The following SDHAF3 variants were observed in gnomAD, a reference collection of about 807,000 sequenced individuals.
SDHAF3 encodes succinate dehydrogenase complex assembly factor 3.
In SDHAF3, 18 loss-of-function variants were observed where a neutral mutation model predicts 11.5. That is an observed-to-expected ratio of 1.56 (90% confidence interval 1.08 to 2.32). The LOEUF (loss-of-function observed/expected upper bound fraction) is 2.32, where lower values mean the gene tolerates loss of function less well. Ranked by LOEUF, SDHAF3 falls within the 30% of genes most tolerant of loss-of-function variation. SDHAF3 has a pLI of 0.00. For missense variants in SDHAF3, 200 were observed against 154.4 expected (o/e 1.30, Z -1.57); for synonymous variants, 72 against 59.3 (o/e 1.21, Z -0.99).
intron 1 of SDHAF3, among the ~76,000 whole-genome samples, chr7:97,178,972 C>T (rs1419286254): frequency 6.6e-6 from 1 of 152,010 alleles, no homozygotes; most frequent in Non-Finnish European, 1.5e-5. Context: ...GATTTTAGCT[C>T]TTATATTTAG....
intron 1 of SDHAF3, among the ~76,000 whole-genome samples, chr7:97,164,674 C>T (rs535636266): frequency 5.9e-5 from 9 of 152,040 alleles, no homozygotes; most frequent in Non-Finnish European, 1.0e-4. Flanking sequence ...CGTGCCTTTC[C>T]GGTTCATAGT....
intron 1 of SDHAF3, among the ~76,000 whole-genome samples, chr7:97,165,127 A>T (rs191140152): frequency 6.6e-6 from 1 of 152,202 alleles, no homozygotes; most frequent in Non-Finnish European, 1.5e-5. Context: ...TACTAAAAAA[A>T]TACAAAAAAA....
intron 1 of SDHAF3, among the ~76,000 whole-genome samples, chr7:97,164,814 GATAGACTAACATA>G (rs1452911502): frequency 1.3e-5 from 2 of 152,138 alleles, no homozygotes; most frequent in Non-Finnish European, 2.9e-5. Context: ...ATGGAGGGAT[GATAGACTAACATA>G]ATTTCCATAA....
At chr7:97,148,755 T>A (rs1789173029) in intron 1 of SDHAF3, among the ~76,000 whole-genome samples, 1 of 152,196 alleles carries the variant, frequency 6.6e-6, no homozygotes. Context: ...GTGCGTAAGA[T>A]AACCTAGAAT....
chr7:97,135,631 T>G (rs1350703188), intron 1 of SDHAF3: 3 of 119,432 alleles, frequency 2.5e-5, no homozygotes, highest in African/African-American at 6.8e-5. Flanking sequence ...GAGATGTATG[T>G]GCGTGCGTGT....
Position 97,118,475 on chromosome 7 carries a change from A to T in SDHAF3, c.174+578A>T, listed in dbSNP as rs576311652. Among the ~76,000 whole-genome samples the T allele has an allele frequency of 2.8e-4, 43 of 152,260 alleles. 1 individual carries two copies. Among genetic ancestry groups the T allele is most frequent in the African/African-American group, 9.1e-4 (38 of 41,538 alleles). ...GCGAAAGTTGTTTCCTCCGGTCTCA[A>T]GTCATTGTTACTTCGCCCTGCACCA... On this transcript the variant is annotated intron_variant, in intron 1 of 1. Transcript: ENST00000432641.
intron 1 of SDHAF3, among the ~76,000 whole-genome samples, chr7:97,157,261 CT>C (rs995353195): frequency 6.6e-6 from 1 of 152,108 alleles, no homozygotes; most frequent in African/African-American, 2.4e-5. Flanking sequence ...ATTCTCTAGA[CT>C]TTTTCAAGTT....
intron 1 of SDHAF3, among the ~76,000 whole-genome samples, chr7:97,157,016 C>T (rs1199984067): frequency 6.6e-6 from 1 of 152,048 alleles, no homozygotes; most frequent in Non-Finnish European, 1.5e-5. Context: ...CATGTATTCT[C>T]ATTGTTCACC....
intron 1 of SDHAF3, among the ~76,000 whole-genome samples, chr7:97,134,681 A>G (rs989302730): frequency 6.6e-6 from 1 of 152,212 alleles, no homozygotes; most frequent in Non-Finnish European, 1.5e-5. Context: ...TCCTGACCTC[A>G]GATGACCCGT....
intron 1 of SDHAF3, chr7:97,136,372 A>G (rs1791770098): frequency 3.3e-6 from 2 of 601,544 alleles, no homozygotes; most frequent in Admixed American, 2.4e-5. Context: ...GCATAAATCA[A>G]ATTTGTTTTA....
At chr7:97,124,980 AT>A (rs1177768823) in intron 1 of SDHAF3, among the ~76,000 whole-genome samples, 3 of 151,900 alleles carry the variant, frequency 2.0e-5, no homozygotes, top group African/African-American at 7.3e-5. Flanking sequence ...AATACGTTTT[AT>A]TTTTTTCTCT....
intron 1 of SDHAF3, among the ~76,000 whole-genome samples, chr7:97,125,662 T>G (rs1335052795): frequency 6.6e-6 from 1 of 152,228 alleles, no homozygotes; most frequent in Non-Finnish European, 1.5e-5. Flanking sequence ...GAAGTTTTCA[T>G]GCTGTGTTTT....
intron 1 of SDHAF3, among the ~76,000 whole-genome samples, chr7:97,121,841 GTTTTTTTTTTTTGT>G (rs1791501927): frequency 2.2e-5 from 3 of 135,798 alleles, no homozygotes; most frequent in East Asian, 4.4e-4. Flanking sequence ...AGGTTTTTTG[GTTTTTTTTTTTTGT>G]TTTTTTTTTT....
At chr7:97,175,772 A>C (rs1258740079) in intron 1 of SDHAF3, among the ~76,000 whole-genome samples, 3 of 152,202 alleles carry the variant, frequency 2.0e-5, no homozygotes, top group Admixed American at 6.5e-5. Context: ...ACAGTATAGC[A>C]TGAACGTTAG....
At chr7:97,118,349 C>G (rs904255643) in intron 1 of SDHAF3, among the ~76,000 whole-genome samples, 5 of 152,126 alleles carry the variant, frequency 3.3e-5, no homozygotes, top group Non-Finnish European at 5.9e-5. Context: ...AAATAATTTT[C>G]TCACTTGGCT....
intron 1 of SDHAF3, among the ~76,000 whole-genome samples, chr7:97,132,386 T>C (rs1038554284): frequency 1.3e-5 from 2 of 151,958 alleles, no homozygotes; most frequent in African/African-American, 2.4e-5. Flanking sequence ...TATTTCTTTT[T>C]TACGTAACCG....
At chr7:97,126,150 C>T (rs1446588911) in intron 1 of SDHAF3, among the ~76,000 whole-genome samples, 1 of 152,226 alleles carries the variant, frequency 6.6e-6, no homozygotes, top group Non-Finnish European at 1.5e-5. Flanking sequence ...GCAAAGATTG[C>T]TGCCTGCTCT....
At position 97,117,764 on chromosome 7, in the gene SDHAF3, A is replaced by G. The variant is rs754390024; in HGVS notation, c.41A>G (p.Lys14Arg). The G allele has an allele frequency of 1.9e-6, 3 of 1,614,152 alleles. No homozygotes were observed. In the South Asian group the frequency reaches 3.3e-5, roughly 18 times the overall value. Reference protein sequence around the residue: ...RHVSRVRALYKRVLQLHRVLP... With the variant: ...RHVSRVRALYRRVLQLHRVLP... The stretch of plus-strand genomic sequence containing the variant: ...GTTTCTCGAGTCCGGGCATTGTACA[A>G]GCGCGTCTTGCAGCTGCACCGTGTT... Residue 14 changes from lysine (K) to arginine (R), a missense_variant, in exon 1 of 2, where the codon AAG becomes AGG. Lys to Arg is a conservative substitution (Grantham distance 26, BLOSUM62 2). Transcript: ENST00000432641.
intron 1 of SDHAF3, among the ~76,000 whole-genome samples, chr7:97,162,485 G>T (rs544138287): frequency 1.3e-5 from 2 of 151,978 alleles, no homozygotes; most frequent in Non-Finnish European, 2.9e-5. Context: ...TGATAATAGG[G>T]TGTCAATTTT....
Sources: gnomAD v4.1 joint callset for allele counts (sites outside exome capture counted in the v4.1 genomes callset) on GRCh38, gnomAD v4.1.1 for gene constraint, MANE v1.5 for transcripts, NCBI Gene and HGNC (gene_info 2026-07-23, HGNC 2026-07-21) for gene names.